The following ZNF600 variants were observed in gnomAD, a reference collection of about 807,000 sequenced individuals.
ZNF600 encodes the protein zinc finger protein KR-ZNF1.
In ZNF600, 4 loss-of-function variants were observed where a neutral mutation model predicts 7.3. That is an observed-to-expected ratio of 0.55 (90% CI 0.27 to 1.25). The LOEUF is 1.25. ZNF600 is among the 50% of genes most tolerant of loss of function. ZNF600 has a pLI of 0.12. For missense variants in ZNF600, 911 were observed against 922.1 expected (o/e 0.99, Z 0.16); for synonymous variants, 290 against 308.9 (o/e 0.94, Z 0.64).
chr19:52,800,744 C>T, the ZNF600 span: 7 of 1,607,496 alleles, frequency 4.4e-6, no homozygotes, highest in African/African-American at 6.9e-5. Flanking sequence ...CAAGGGTTGA[C>T]AGTCGATTAA....
chr19:52,789,392 CA>C (rs1470239537), upstream of ZNF600, among the ~76,000 whole-genome samples: 1 of 152,180 alleles, frequency 6.6e-6, no homozygotes, highest in African/African-American at 2.4e-5. Context: ...CATCTCAACT[CA>C]AAAGAATTTT....
chr19:52,808,501 G>C, the ZNF600 span, among the ~76,000 whole-genome samples: 1 of 152,136 alleles, frequency 6.6e-6, no homozygotes, highest in South Asian at 2.1e-4. Context: ...GCTGGGCACA[G>C]TGACACATGT....
At chr19:52,826,255 A>G in the ZNF600 span, among the ~76,000 whole-genome samples, 1 of 152,114 alleles carries the variant, frequency 6.6e-6, no homozygotes, top group Non-Finnish European at 1.5e-5. Flanking sequence ...TCCACTTTCC[A>G]TTCCATTCTA....
At chr19:52,817,605 C>T in the ZNF600 span, among the ~76,000 whole-genome samples, 1 of 152,048 alleles carries the variant, frequency 6.6e-6, no homozygotes, top group African/African-American at 2.4e-5. Flanking sequence ...CTGCTCTAAT[C>T]CTGGTCCACA....
At chr19:52,792,508 G>A in the ZNF600 span, among the ~76,000 whole-genome samples, 4 of 151,950 alleles carry the variant, frequency 2.6e-5, no homozygotes, top group Admixed American at 6.6e-5. Flanking sequence ...AGCTGAGATC[G>A]TGCCACTGCA....
At chr19:52,781,657 C>T (rs933459882) in intron 1 of ZNF600, among the ~76,000 whole-genome samples, 193 bp from the exon 2 acceptor site, 2 of 151,866 alleles carry the variant, frequency 1.3e-5, no homozygotes, top group African/African-American at 2.4e-5. Context: ...TCCCAGCTAC[C>T]TGGGAGGCTG....
At chr19:52,765,669 C>T (rs770562776) in exon 4 of ZNF600, 4 of 1,613,920 alleles carry the variant, frequency 2.5e-6, no homozygotes, top group East Asian at 2.2e-5. Context: ...ACACTCATTA[C>T]ACTTGTAAGG....
chr19:52,798,445 C>G, the ZNF600 span: 1 of 436,488 alleles, frequency 2.3e-6, no homozygotes, highest in Non-Finnish European at 4.6e-6. Flanking sequence ...AAACAACTGT[C>G]TCCAAAAGGA....
the ZNF600 span, among the ~76,000 whole-genome samples, chr19:52,795,457 T>C: frequency 6.6e-6 from 1 of 151,944 alleles, no homozygotes. Context: ...AATATATATA[T>C]ATATAATAAA....
chr19:52,768,874 T>C (rs761663444), intron 3 of ZNF600, among the ~76,000 whole-genome samples: 19 of 152,162 alleles, frequency 1.2e-4, no homozygotes, highest in Non-Finnish European at 2.1e-4. Context: ...TCATTAATCA[T>C]TAGTTGGTAG....
rs868706635 is a variant in ZNF600 at position 52,766,377 on chromosome 19, T to C, written c.1586A>G (p.His529Arg). 10 of 1,614,110 alleles carry C rather than the reference T, an allele frequency of 6.2e-6. No individual in the cohort carries two copies. Among genetic ancestry groups the C allele is most frequent in the Middle Eastern group, 1.6e-4 (1 of 6,084 alleles). Reference sequence around the variant, plus strand: ...TTTCTCTCCGGTGTGAATTATCTTATGTGTCTCAAGGGTTGATCCACAACT... The same window carrying C: ...TTTCTCTCCGGTGTGAATTATCTTACGTGTCTCAAGGGTTGATCCACAACT... Residue 529 changes from histidine (H) to arginine (R), a missense_variant, in exon 4 of 4, where the codon CAT becomes CGT. Physicochemically the swap from His to Arg is conservative, Grantham distance 29 (BLOSUM62 0). Coordinates refer to ENST00000648973, the Ensembl canonical transcript of ZNF600.
At chr19:52,785,023 C>T (rs923042954) in intron 1 of ZNF600, among the ~76,000 whole-genome samples, 3 of 152,096 alleles carry the variant, frequency 2.0e-5, no homozygotes, top group African/African-American at 7.2e-5. Context: ...AGGCATGAGC[C>T]ACTGCGCCCA....
exon 1 of ZNF600, chr19:52,786,716 C>A: frequency 2.8e-6 from 1 of 359,362 alleles, no homozygotes; most frequent in Non-Finnish European, 5.9e-6. Context: ...TAATCCAAGG[C>A]AGAGCAAAAC....
the ZNF600 span, among the ~76,000 whole-genome samples, chr19:52,793,952 C>G: frequency 1.3e-5 from 2 of 152,256 alleles, no homozygotes; most frequent in African/African-American, 4.8e-5. Context: ...GCTAAGTCCC[C>G]AGAAGTACAC....
chr19:52,785,591 C>G (rs900771310), intron 1 of ZNF600, among the ~76,000 whole-genome samples: 4 of 152,044 alleles, frequency 2.6e-5, no homozygotes, highest in Non-Finnish European at 5.9e-5. Context: ...ATCTTTCAAT[C>G]TTCCTCAATG....
At chr19:52,799,123 G>A in the ZNF600 span, 1 of 406,522 alleles carries the variant, frequency 2.5e-6, no homozygotes, top group Non-Finnish European at 4.8e-6. Flanking sequence ...GCAGTATGAA[G>A]ACTATGATGA....
exon 4 of ZNF600, chr19:52,764,874 A>C (rs891601157): frequency 5.7e-6 from 1 of 176,182 alleles, no homozygotes; most frequent in African/African-American, 2.4e-5. Flanking sequence ...AAAAAGTACT[A>C]TCTCAAAAAA....
At chr19:52,780,012 T>C (rs1489242971) in intron 1 of ZNF600, among the ~76,000 whole-genome samples, 1 of 151,938 alleles carries the variant, frequency 6.6e-6, no homozygotes, top group Non-Finnish European at 1.5e-5. Flanking sequence ...GGAGACTTCA[T>C]CTCAAAAAAA....
intron 3 of ZNF600, among the ~76,000 whole-genome samples, chr19:52,769,692 G>A (rs112742446): frequency 0.076 from 11,573 of 151,994 alleles, 1,406 homozygotes; most frequent in African/African-American, 0.26. Context: ...TCTCATCTCC[G>A]CATAGAGAGA....
Sources: gnomAD v4.1 joint callset for allele counts (sites outside exome capture counted in the v4.1 genomes callset) on GRCh38, gnomAD v4.1.1 for gene constraint, MANE v1.5 for transcripts, NCBI Gene and HGNC (gene_info 2026-07-23, HGNC 2026-07-21) for gene names.